CCDC178: variants seen among roughly 807,000 people sequenced by gnomAD.
The protein encoded by CCDC178 is coiled-coil domain containing 178.
A neutral mutation model predicts 117.4 loss-of-function variants in CCDC178; 126 were observed. The ratio of observed to expected loss-of-function variants is 1.07; its 90% confidence interval spans 0.93 to 1.24. CCDC178 has a LOEUF of 1.24. CCDC178 is among the 50% of genes most tolerant of loss of function. The pLI is 0.00. For synonymous variants in CCDC178, 283 were observed against 313.4 expected (o/e 0.90, Z 1.02); for missense variants, 1,030 against 986.9 (o/e 1.04, Z -0.59).
At chr18:32,959,879 A>T (rs1250052378) in intron 22 of CCDC178, among the ~76,000 whole-genome samples, 1 of 152,084 alleles carries the variant, frequency 6.6e-6, no homozygotes, top group Non-Finnish European at 1.5e-5. Context: ...AAAAAAAAAT[A>T]AAAATGCTGG....
At chr18:33,297,770 A>C (rs7227288) in intron 11 of CCDC178, among the ~76,000 whole-genome samples, 1 of 152,104 alleles carries the variant, frequency 6.6e-6, no homozygotes, top group Non-Finnish European at 1.5e-5. Context: ...GGCCAGGCAC[A>C]GTGGCTCACG....
At chr18:33,402,858 G>A (rs1009056033) in intron 3 of CCDC178, among the ~76,000 whole-genome samples, 2 of 152,162 alleles carry the variant, frequency 1.3e-5, no homozygotes, top group Non-Finnish European at 1.5e-5. Flanking sequence ...GCACCGCCAT[G>A]CCTGGCTTCA....
At chr18:33,321,922 C>A (rs971943333) in intron 11 of CCDC178, among the ~76,000 whole-genome samples, 1 of 151,608 alleles carries the variant, frequency 6.6e-6, no homozygotes, top group African/African-American at 2.4e-5. Flanking sequence ...AATATAAAAA[C>A]TTTAAATTAT....
chr18:33,211,308 T>C (rs907854795), intron 20 of CCDC178, among the ~76,000 whole-genome samples: 1 of 151,790 alleles, frequency 6.6e-6, no homozygotes, highest in African/African-American at 2.4e-5. Flanking sequence ...ACAAAAACTA[T>C]TGCAAAATTT....
intron 6 of CCDC178, among the ~76,000 whole-genome samples, chr18:33,364,442 A>C (rs1054879931): frequency 3.3e-5 from 5 of 152,100 alleles, no homozygotes; most frequent in African/African-American, 1.2e-4. Context: ...GGAGAAAGAA[A>C]GACAAGGGGA....
intron 3 of CCDC178, among the ~76,000 whole-genome samples, chr18:33,410,254 T>A (rs2063832562): frequency 6.6e-6 from 1 of 152,198 alleles, no homozygotes; most frequent in African/African-American, 2.4e-5. Flanking sequence ...AACTTTCAGT[T>A]CTTTCAACTA....
chr18:33,114,598 T>C (rs988988154), intron 20 of CCDC178, among the ~76,000 whole-genome samples: 2 of 152,050 alleles, frequency 1.3e-5, no homozygotes, highest in African/African-American at 4.8e-5. Flanking sequence ...ATGAGGCAAA[T>C]AGCTCTTTTT....
At chr18:33,159,703 G>A (rs145669166) in intron 20 of CCDC178, among the ~76,000 whole-genome samples, 25 of 152,084 alleles carry the variant, frequency 1.6e-4, no homozygotes, top group African/African-American at 5.8e-4. Flanking sequence ...TTTTTTCCAA[G>A]TAAGATTACA....
At chr18:33,343,843 T>C (rs978270103) in intron 9 of CCDC178, among the ~76,000 whole-genome samples, 4 of 152,186 alleles carry the variant, frequency 2.6e-5, no homozygotes, top group Non-Finnish European at 5.9e-5. Context: ...CTGTCTTACA[T>C]GCTATATACT....
At chr18:33,257,042 C>T (rs1447552970) in intron 14 of CCDC178, among the ~76,000 whole-genome samples, 1 of 151,898 alleles carries the variant, frequency 6.6e-6, no homozygotes, top group Non-Finnish European at 1.5e-5. Flanking sequence ...AACTTCAATT[C>T]ATGTTGGAAT....
intron 20 of CCDC178, among the ~76,000 whole-genome samples, chr18:33,168,589 C>T (rs1189279466): frequency 6.6e-6 from 1 of 152,164 alleles, no homozygotes; most frequent in East Asian, 1.9e-4. Context: ...AATCCAAAAA[C>T]ATGAAGTTAA....
At chr18:33,102,302 G>C (rs1267655350) in intron 20 of CCDC178, among the ~76,000 whole-genome samples, 3 of 151,434 alleles carry the variant, frequency 2.0e-5, no homozygotes, top group African/African-American at 7.3e-5. Context: ...TCCTAATCTT[G>C]GGTATGAATT....
intron 12 of CCDC178, among the ~76,000 whole-genome samples, chr18:33,280,876 TCTCA>T (rs2060016336): frequency 6.6e-6 from 1 of 152,110 alleles, no homozygotes; most frequent in African/African-American, 2.4e-5. Context: ...CACCGCATGT[TCTCA>T]CTCATAGATG....
At chr18:32,950,061 A>C (rs1449884284) in intron 22 of CCDC178, among the ~76,000 whole-genome samples, 1 of 152,200 alleles carries the variant, frequency 6.6e-6, no homozygotes, top group East Asian at 1.9e-4. Context: ...ATATGTAACA[A>C]CCAGATACTA....
intron 20 of CCDC178, among the ~76,000 whole-genome samples, chr18:33,130,706 G>A (rs1326392280): frequency 6.6e-6 from 1 of 151,824 alleles, no homozygotes; most frequent in African/African-American, 2.4e-5. Flanking sequence ...GCAAACATTC[G>A]ACCTGGTTTG....
chr18:33,226,784 C>T lies in CCDC178; in HGVS notation c.1656+9G>A, dbSNP rs376435257. 2 of 1,543,592 alleles carry T rather than the reference C, an allele frequency of 1.3e-6. No homozygotes were observed. The highest frequency in any genetic ancestry group is 1.8e-6 in the Non-Finnish European group (2 of 1,137,290). ...GAAGAATAAAATATTAAAACCAAATCAGTATTACCTGAAGCACCATTCCAG... is the reference window on the plus strand; with the variant it reads ...GAAGAATAAAATATTAAAACCAAATTAGTATTACCTGAAGCACCATTCCAG... On this transcript the variant is annotated intron_variant, in intron 16 of 22. Coordinates refer to ENST00000383096, the MANE Select transcript of CCDC178 (RefSeq NM_001105528.4).
intron 21 of CCDC178, among the ~76,000 whole-genome samples, chr18:33,010,338 G>A (rs1371728898): frequency 6.6e-6 from 1 of 152,108 alleles, no homozygotes; most frequent in East Asian, 1.9e-4. Context: ...TTCCCTGGCG[G>A]TCATGGAAAG....
At chr18:33,167,453 T>C (rs2058546526) in intron 20 of CCDC178, among the ~76,000 whole-genome samples, 2 of 152,228 alleles carry the variant, frequency 1.3e-5, no homozygotes, top group African/African-American at 4.8e-5. Context: ...GTAACAGCCA[T>C]TCTGACCAGT....
intron 16 of CCDC178, among the ~76,000 whole-genome samples, chr18:33,225,220 T>C (rs1599022680): frequency 6.6e-6 from 1 of 151,972 alleles, no homozygotes; most frequent in Non-Finnish European, 1.5e-5. Flanking sequence ...TGGAGTTCAG[T>C]GGCATAATCT....
Sources: gnomAD v4.1 joint callset for allele counts (sites outside exome capture counted in the v4.1 genomes callset) on GRCh38, gnomAD v4.1.1 for gene constraint, MANE v1.5 for transcripts, NCBI Gene and HGNC (gene_info 2026-07-23, HGNC 2026-07-21) for gene names.